TBC1D22A: variants seen among roughly 807,000 people sequenced by gnomAD.
TBC1D22A encodes the protein TBC1 domain family member 22A.
A neutral mutation model predicts 60.2 loss-of-function variants in TBC1D22A; 38 were observed. The observed-to-expected ratio is 0.63, with a 90% CI of 0.49 to 0.83. The LOEUF (loss-of-function observed/expected upper bound fraction) is 0.83. TBC1D22A is among the 40% of genes least tolerant of loss of function. TBC1D22A has a pLI of 0.00. For synonymous variants in TBC1D22A, 302 were observed against 281.7 expected, an observed-to-expected ratio of 1.07 and a Z score of -0.72; for missense variants, 628 against 701.0, an observed-to-expected ratio of 0.90 and a Z score of 1.18.
At chr22:46,985,021 G>C (rs1336590148) in intron 9 of TBC1D22A, among the ~76,000 whole-genome samples, 1 of 152,346 alleles carries the variant, frequency 6.6e-6, no homozygotes, top group East Asian at 1.9e-4. Flanking sequence ...CAGTTGAGGG[G>C]GGAGCCTCCG....
At chr22:47,093,228 G>C (rs2065046912) in intron 11 of TBC1D22A, among the ~76,000 whole-genome samples, 1 of 152,200 alleles carries the variant, frequency 6.6e-6, no homozygotes, top group African/African-American at 2.4e-5. Context: ...CCGCCTCCCT[G>C]ATGTGTCTTG....
intron 11 of TBC1D22A, among the ~76,000 whole-genome samples, chr22:47,076,592 G>T (rs1015867700): frequency 2.6e-5 from 4 of 151,814 alleles, no homozygotes; most frequent in Non-Finnish European, 2.9e-5. Context: ...AGTTCTGCAG[G>T]CCAGGGAAAC....
At chr22:46,950,192 G>T (rs1382249045) in intron 8 of TBC1D22A, among the ~76,000 whole-genome samples, 1 of 152,152 alleles carries the variant, frequency 6.6e-6, no homozygotes, top group Non-Finnish European at 1.5e-5. Context: ...TTTGAAAGTT[G>T]AGCTGATGAA....
intron 11 of TBC1D22A, among the ~76,000 whole-genome samples, chr22:47,099,529 T>C (rs1227202766): frequency 6.6e-6 from 1 of 151,760 alleles, no homozygotes; most frequent in Non-Finnish European, 1.5e-5. Context: ...CACTGCAGCC[T>C]CTGCCTCCCG....
At chr22:46,812,074 G>C (rs925012718) in intron 4 of TBC1D22A, among the ~76,000 whole-genome samples, 1 of 152,216 alleles carries the variant, frequency 6.6e-6, no homozygotes, top group Admixed American at 6.5e-5. Flanking sequence ...TTTGGGCAGG[G>C]ATTGGAATGA....
intron 11 of TBC1D22A, among the ~76,000 whole-genome samples, chr22:47,050,309 G>A (rs1000480002): frequency 1.3e-5 from 2 of 152,196 alleles, no homozygotes; most frequent in African/African-American, 2.4e-5. Context: ...CTGGCCGAGA[G>A]GGGGCATTTC....
intron 8 of TBC1D22A, among the ~76,000 whole-genome samples, chr22:46,926,365 T>TC (rs758318103): frequency 6.6e-6 from 1 of 151,442 alleles, no homozygotes; most frequent in Non-Finnish European, 1.5e-5. Flanking sequence ...GAGAGAAAAC[T>TC]CAAGTTACTA....
intron 8 of TBC1D22A, among the ~76,000 whole-genome samples, chr22:46,927,276 A>G (rs552646826): frequency 1.3e-5 from 2 of 152,370 alleles, no homozygotes; most frequent in Admixed American, 1.3e-4. Flanking sequence ...AATTTATTTG[A>G]GGAATGCTGG....
At chr22:47,063,752 G>A (rs924703440) in intron 11 of TBC1D22A, among the ~76,000 whole-genome samples, 5 of 152,232 alleles carry the variant, frequency 3.3e-5, no homozygotes, top group South Asian at 4.2e-4. Flanking sequence ...TGGAAGCTTC[G>A]AGGGAGAATC....
intron 1 of TBC1D22A, among the ~76,000 whole-genome samples, chr22:46,770,216 G>C (rs1215130123): frequency 6.6e-6 from 1 of 152,156 alleles, no homozygotes; most frequent in African/African-American, 2.4e-5. Context: ...GGAATGTGGC[G>C]CGGCTTCTAG....
At chr22:46,941,362 AGAATATATATACAGAATATATATACG>A (rs2072048877) in intron 8 of TBC1D22A, among the ~76,000 whole-genome samples, 1 of 148,900 alleles carries the variant, frequency 6.7e-6, no homozygotes, top group South Asian at 2.1e-4. Context: ...ATATATATAC[AGAATATATATACAGAATATATATACG>A]GAATATATAT....
intron 7 of TBC1D22A, among the ~76,000 whole-genome samples, chr22:46,906,646 C>T (rs1255414075): frequency 6.6e-6 from 1 of 152,162 alleles, no homozygotes; most frequent in Non-Finnish European, 1.5e-5. Context: ...AGAAAAGAAA[C>T]AGCTCTCCAC....
intron 10 of TBC1D22A, among the ~76,000 whole-genome samples, chr22:47,010,595 A>C (rs2061724000): frequency 6.6e-6 from 1 of 152,134 alleles, no homozygotes; most frequent in African/African-American, 2.4e-5. Context: ...TTCACAGTTG[A>C]ACATGGCTGT....
chr22:47,135,230 G>A (rs556983518), intron 12 of TBC1D22A, among the ~76,000 whole-genome samples: 5 of 152,320 alleles, frequency 3.3e-5, no homozygotes, highest in African/African-American at 1.2e-4. Context: ...AGGGCTCGGC[G>A]CTGCTTCCCG....
At chr22:46,876,302 C>A (rs769379702) in intron 4 of TBC1D22A, among the ~76,000 whole-genome samples, 5 of 152,164 alleles carry the variant, frequency 3.3e-5, no homozygotes, top group African/African-American at 7.2e-5. Flanking sequence ...ACTTCATATC[C>A]GCACAAAAAG....
chr22:47,092,839 T>C (rs557509578), intron 11 of TBC1D22A, among the ~76,000 whole-genome samples: 1 of 152,310 alleles, frequency 6.6e-6, no homozygotes, highest in African/African-American at 2.4e-5. Flanking sequence ...TCCCTTTGAA[T>C]TTGCCAAGAA....
chr22:46,977,838 G>A (rs994385508), intron 9 of TBC1D22A, among the ~76,000 whole-genome samples: 2 of 152,158 alleles, frequency 1.3e-5, no homozygotes, highest in Non-Finnish European at 2.9e-5. Flanking sequence ...GCGACGCAGC[G>A]CTAGCAGGGA....
intron 4 of TBC1D22A, among the ~76,000 whole-genome samples, chr22:46,819,037 C>CTA (rs1168317182): frequency 6.6e-6 from 1 of 152,068 alleles, no homozygotes; most frequent in Non-Finnish European, 1.5e-5. Context: ...CTCTGCTTGC[C>CTA]TATTGTTGGT....
At position 46,906,779 on chromosome 22, in the gene TBC1D22A, C is replaced by CTGTG. The variant is rs148450942; in HGVS notation, c.901-5277_901-5274dup. Among the ~76,000 whole-genome samples the CTGTG allele has an allele frequency of 4.2e-3, 620 of 149,168 alleles. 4 individuals are homozygous for CTGTG. Among genetic ancestry groups the CTGTG allele is most frequent in the African/African-American group, 0.013 (530 of 40,586 alleles). Reference sequence around the variant, plus strand: ...GTGTGTGTCCCAGATGGACCCTGAACTGTGTGTGTGTGTGTGTGTGTATGT... The same window carrying CTGTG: ...GTGTGTGTCCCAGATGGACCCTGAACTGTGTGTGTGTGTGTGTGTGTGTGTATGT... On this transcript the variant is annotated intron_variant, in intron 7 of 12. Transcript: ENST00000337137.
Sources: gnomAD v4.1 joint callset for allele counts (sites outside exome capture counted in the v4.1 genomes callset) on GRCh38, gnomAD v4.1.1 for gene constraint, MANE v1.5 for transcripts, NCBI Gene and HGNC (gene_info 2026-07-23, HGNC 2026-07-21) for gene names.